KCNIP4: variants seen among roughly 807,000 people sequenced by gnomAD.
The protein encoded by KCNIP4 is potassium voltage-gated channel interacting protein 4.
In KCNIP4, 12 loss-of-function variants were observed where a neutral mutation model predicts 34.0. That is an observed-to-expected ratio of 0.35 (90% CI 0.23 to 0.57). KCNIP4 has a LOEUF of 0.57. KCNIP4 is among the 20% of genes least tolerant of loss of function. KCNIP4 has a pLI of 0.83. For missense variants in KCNIP4, 238 were observed against 311.7 expected, an observed-to-expected ratio of 0.76 and a Z score of 1.78; for synonymous variants, 124 against 102.2, an observed-to-expected ratio of 1.21 and a Z score of -1.29.
At chr4:21,067,597 T>C (rs2108988551) in intron 1 of KCNIP4, among the ~76,000 whole-genome samples, 1 of 152,242 alleles carries the variant, frequency 6.6e-6, no homozygotes, top group South Asian at 2.1e-4. Context: ...CCTGGATAAC[T>C]TTGCCACCTG....
At chr4:21,780,301 A>G (rs1469328696) in intron 1 of KCNIP4, among the ~76,000 whole-genome samples, 1 of 152,152 alleles carries the variant, frequency 6.6e-6, no homozygotes, top group Non-Finnish European at 1.5e-5. Flanking sequence ...CAAAGGGTCA[A>G]AAATTCCCCA....
At chr4:20,738,137 A>C (rs6815738) in intron 5 of KCNIP4, among the ~76,000 whole-genome samples, 27,778 of 152,006 alleles carry the variant, frequency 0.18, 2,686 homozygotes, top group Non-Finnish European at 0.22. Context: ...CTCAAAAAAA[A>C]AAAAAAAATC....
chr4:21,227,668 T>TA (rs1165594010), intron 1 of KCNIP4, among the ~76,000 whole-genome samples: 4 of 133,862 alleles, frequency 3.0e-5, no homozygotes, highest in African/African-American at 1.4e-4. Flanking sequence ...TCTCCGCAGT[T>TA]AAAAAACAAA....
chr4:21,424,354 C>T (rs998116803), intron 1 of KCNIP4, among the ~76,000 whole-genome samples: 3 of 151,386 alleles, frequency 2.0e-5, no homozygotes, highest in Non-Finnish European at 4.4e-5. Context: ...GGGACGATCA[C>T]GAGGTCAGGA....
At position 21,411,448 on chromosome 4, in the gene KCNIP4, A is replaced by G. The variant is rs563565790; in HGVS notation, c.62-528739T>C. Among the ~76,000 whole-genome samples the G allele has an allele frequency of 2.6e-5, 4 of 152,300 alleles. No individual in the cohort carries two copies. In the South Asian group the frequency reaches 6.2e-4, roughly 24 times the overall value. ...CAACAATGTTACAGAAAGTAAATGA[A>G]GTTCTATACCACTGATATTAACAGA... is the stretch of plus-strand genomic sequence containing the variant. On this transcript the variant is annotated intron_variant, in intron 1 of 8. Transcript: ENST00000382152.
At position 21,361,595 on chromosome 4, in the gene KCNIP4, T is replaced by C. The variant is rs141458651; in HGVS notation, c.62-478886A>G. ...ATAACTAGGTACAATTAGGAACAAG[T>C]GGTTCTCTAGCTGTGCCTAGAGAAC... is the stretch of plus-strand genomic sequence containing the variant. On this transcript the variant is annotated intron_variant, in intron 1 of 8. Coordinates refer to ENST00000382152, the MANE Select transcript of KCNIP4 (RefSeq NM_025221.6). Among the ~76,000 whole-genome samples, 518 of 152,194 alleles carry C rather than the reference T, an allele frequency of 3.4e-3. 2 individuals are homozygous for C. Among genetic ancestry groups the C allele is most frequent in the African/African-American group, 0.012 (487 of 41,524 alleles).
At chr4:21,944,461 G>A (rs1156291946) in intron 1 of KCNIP4, among the ~76,000 whole-genome samples, 1 of 150,334 alleles carries the variant, frequency 6.7e-6, no homozygotes. Flanking sequence ...GGAGGCTGAG[G>A]CAGGAGAAAT....
At chr4:20,738,749 G>T (rs952166784) in intron 5 of KCNIP4, among the ~76,000 whole-genome samples, 1 of 152,196 alleles carries the variant, frequency 6.6e-6, no homozygotes, top group African/African-American at 2.4e-5. Flanking sequence ...TTGTTGGACA[G>T]TGGATGCAGC....
At chr4:21,051,882 T>C (rs1188268524) in intron 1 of KCNIP4, among the ~76,000 whole-genome samples, 1 of 152,172 alleles carries the variant, frequency 6.6e-6, no homozygotes, top group Non-Finnish European at 1.5e-5. Context: ...GCAAGAGAGA[T>C]GCAAGTTACA....
chr4:21,720,681 C>G (rs377079887), intron 1 of KCNIP4, among the ~76,000 whole-genome samples: 1 of 133,664 alleles, frequency 7.5e-6, no homozygotes. Context: ...TCCCTCCCCC[C>G]TCCCCCACCC....
At chr4:21,612,144 A>T (rs1437999663) in intron 1 of KCNIP4, among the ~76,000 whole-genome samples, 1 of 152,124 alleles carries the variant, frequency 6.6e-6, no homozygotes, top group Non-Finnish European at 1.5e-5. Flanking sequence ...AGAAAAAAAG[A>T]TTGATTTTTT....
chr4:21,730,564 G>A (rs934621172), intron 1 of KCNIP4, among the ~76,000 whole-genome samples: 6 of 152,114 alleles, frequency 3.9e-5, no homozygotes, highest in Non-Finnish European at 8.8e-5. Context: ...GGAAGGCTAC[G>A]AGGCTTGGAG....
chr4:20,729,968 C>CATAAT lies in KCNIP4; in HGVS notation c.*109_*113dup. On this transcript the variant is annotated 3_prime_UTR_variant, in exon 9 of 9. Transcript: ENST00000382152. Reference sequence around the variant, plus strand: ...TTTATATTAAAACAAAGCTTGTTTGCATAATATGCTTCAGTGTCAAGCTGA... The same window carrying CATAAT: ...TTTATATTAAAACAAAGCTTGTTTGCATAATATAATATGCTTCAGTGTCAAGCTGA... The CATAAT allele has an allele frequency of 1.6e-6, 2 of 1,235,568 alleles. No homozygotes were observed. Among genetic ancestry groups the CATAAT allele is most frequent in the Non-Finnish European group, 2.2e-6 (2 of 913,920 alleles). The allele number at this position is 1,235,568 out of a possible 1,614,324, so 76.5% of individuals were successfully genotyped here.
chr4:21,379,792 C>T (rs998059538), intron 1 of KCNIP4, among the ~76,000 whole-genome samples: 1 of 152,098 alleles, frequency 6.6e-6, no homozygotes, highest in Non-Finnish European at 1.5e-5. Context: ...GCTTGGCCTT[C>T]CTGTATAGAA....
intron 1 of KCNIP4, among the ~76,000 whole-genome samples, chr4:21,285,051 A>T (rs948781838): frequency 1.3e-5 from 2 of 152,206 alleles, no homozygotes; most frequent in African/African-American, 4.8e-5. Context: ...ATACACACAC[A>T]TAAATGTACA....
intron 1 of KCNIP4, among the ~76,000 whole-genome samples, chr4:20,988,297 GA>G (rs1560625492): frequency 6.6e-6 from 1 of 152,138 alleles, no homozygotes; most frequent in Non-Finnish European, 1.5e-5. Flanking sequence ...AGTATTGACA[GA>G]AACTCTTAGG....
At chr4:21,482,625 T>A (rs1301046748) in intron 1 of KCNIP4, among the ~76,000 whole-genome samples, 2 of 152,192 alleles carry the variant, frequency 1.3e-5, no homozygotes, top group African/African-American at 2.4e-5. Context: ...TCTTTAAGAA[T>A]GTTGAATATT....
rs139591938 is a variant in KCNIP4, at chr4:21,562,490, T to G, written c.61+386081A>C. Among the ~76,000 whole-genome samples the G allele has an allele frequency of 3.9e-3, 601 of 152,196 alleles. 5 individuals are homozygous for G. Among genetic ancestry groups the G allele is most frequent in the African/African-American group, 0.013 (559 of 41,568 alleles). On this transcript the variant is annotated intron_variant, in intron 1 of 8. Coordinates refer to ENST00000382152, the MANE Select transcript of KCNIP4 (RefSeq NM_025221.6). The stretch of plus-strand genomic sequence containing the variant: ...CACTTTTAACTATGCTAATTGTTTA[T>G]GCCGAGTAAACATTCATGCTTAAAT...
intron 1 of KCNIP4, among the ~76,000 whole-genome samples, chr4:21,016,060 T>C (rs993394545): frequency 6.7e-6 from 1 of 149,022 alleles, no homozygotes; most frequent in African/African-American, 2.5e-5. Flanking sequence ...TGAAATTACA[T>C]GCCATCTCCT....
Sources: gnomAD v4.1 joint callset for allele counts (sites outside exome capture counted in the v4.1 genomes callset) on GRCh38, gnomAD v4.1.1 for gene constraint, MANE v1.5 for transcripts, NCBI Gene and HGNC (gene_info 2026-07-23, HGNC 2026-07-21) for gene names.